RP1L1: variants seen among roughly 807,000 people sequenced by gnomAD.
RP1L1 encodes RP1 like 1.
Under a neutral mutation model 15.7 loss-of-function variants are expected in RP1L1, and 27 were observed. The observed-to-expected ratio is 1.72, with a 90% CI of 1.27 to 2.38. The LOEUF is 2.38. Among genes scored for constraint, RP1L1 ranks in the 30% most tolerant of loss-of-function variants. The pLI, the probability that RP1L1 is intolerant of heterozygous loss-of-function variation, is 0.00. For synonymous variants in RP1L1, 1,813 were observed against 1,276.7 expected, an observed-to-expected ratio of 1.42 and a Z score of -8.96; for missense variants, 4,798 against 3,075.9, an observed-to-expected ratio of 1.56 and a Z score of -13.24.
rs1403176390 is a variant in RP1L1, at chr8:10,612,742, A to T, written c.1356T>A (p.Ser452Arg). Residue 452 changes from serine (S) to arginine (R), a missense_variant, in exon 4 of 4, where the codon AGT becomes AGA. Transcript: ENST00000382483. ...GGCCGGTGCTGGAGGCTGGGCTGGC[A>T]CTGTCCTGGCTGCATCTCTCCCTCC... ...TAGRERCSQD[S>R]ASPASSTGLP... 5.6e-6 allele frequency: 9 copies of T among 1,607,322 alleles called. No homozygotes were observed. Among genetic ancestry groups the T allele is most frequent in the Non-Finnish European group, 7.6e-6 (9 of 1,179,574 alleles).
At position 10,608,139 on chromosome 8, in the gene RP1L1, G is replaced by A. The variant is rs200846354; in HGVS notation, c.5959C>T (p.Gln1987Ter). 1.6e-3 allele frequency: 2,534 copies of A among 1,613,080 alleles called. 8 individuals carry two copies. Among genetic ancestry groups the A allele is most frequent in the Middle Eastern group, 6.1e-3 (37 of 6,052 alleles). The change falls in exon 4 of 4, where the codon CAG (glutamine) becomes TAG (stop). Residue 1987 changes from glutamine to a stop codon, truncating the protein, a stop_gained. Coordinates refer to ENST00000382483, the MANE Select transcript of RP1L1 (RefSeq NM_178857.6). LOFTEE classifies it low-confidence loss of function (END_TRUNC). Reference sequence around the variant, plus strand: ...GGCTGGGCCTCCCCTTCTGCCTCCTGGGTCTCCACTTCAACCTCCAGGGCC... The same window carrying A: ...GGCTGGGCCTCCCCTTCTGCCTCCTAGGTCTCCACTTCAACCTCCAGGGCC... ...VEALEVEVET[Q>*]EAEGEAQPES...
intron 1 of RP1L1, among the ~76,000 whole-genome samples, chr8:10,651,111 A>G (rs1798553532): frequency 6.6e-6 from 1 of 152,244 alleles, no homozygotes. Flanking sequence ...CAGGCTCAGA[A>G]GGGGCAACTG....
Position 10,610,184 on chromosome 8 carries a change from T to C in RP1L1, c.3914A>G (p.Glu1305Gly), listed in dbSNP as rs762801175. 26 of 1,528,416 alleles carry C rather than the reference T, an allele frequency of 1.7e-5. No homozygotes were observed. The East Asian group carries it at 6.9e-4, about 41-fold the overall frequency. 94.7% of individuals were successfully genotyped at this position (1,528,416 alleles called of 1,614,324 possible). ...TTCTCCTTCTGTTCCTTCTTTAGTT[T>C]CCTCTAATTGCACCTCTTCTTGCAC... ...NTVQEEVQLE[E>G]TKEGTEGEGL... Residue 1305 changes from glutamate to glycine, a missense_variant, in exon 4 of 4, where the codon GAA (glutamate) becomes GGA (glycine). Coordinates refer to ENST00000382483, the MANE Select transcript of RP1L1 (RefSeq NM_178857.6).
intron 1 of RP1L1, among the ~76,000 whole-genome samples, chr8:10,631,339 A>ACACACGCG (rs1554456618): frequency 1.6e-5 from 1 of 61,964 alleles, no homozygotes; most frequent in Non-Finnish European, 4.3e-5. Context: ...ACACATGCAC[A>ACACACGCG]CACACGCACA....
chr8:10,653,411 G>A (rs941008708), intron 1 of RP1L1, among the ~76,000 whole-genome samples: 6 of 151,954 alleles, frequency 3.9e-5, no homozygotes, highest in South Asian at 2.1e-4. Flanking sequence ...TCTACACTTC[G>A]TGACTGCAGG....
chr8:10,620,708 A>G (rs1235290572), intron 2 of RP1L1, among the ~76,000 whole-genome samples: 4 of 152,360 alleles, frequency 2.6e-5, no homozygotes, highest in African/African-American at 9.6e-5. Context: ...ATAGGCAACA[A>G]GGAAGTTCTG....
intron 1 of RP1L1, among the ~76,000 whole-genome samples, chr8:10,649,829 T>A (rs1336613434): frequency 6.6e-6 from 1 of 152,146 alleles, no homozygotes; most frequent in African/African-American, 2.4e-5. Flanking sequence ...CTGAAGCCCA[T>A]GAGTCTTCCT....
At chr8:10,637,693 C>A (rs1585995376) in intron 1 of RP1L1, among the ~76,000 whole-genome samples, 1 of 152,156 alleles carries the variant, frequency 6.6e-6, no homozygotes, top group South Asian at 2.1e-4. Context: ...AGTTTTCCTG[C>A]AAAGAAAGAG....
intron 1 of RP1L1, among the ~76,000 whole-genome samples, chr8:10,639,100 G>T (rs151137148): frequency 6.6e-6 from 1 of 151,800 alleles, no homozygotes; most frequent in East Asian, 1.9e-4. Flanking sequence ...AGCCGAGATC[G>T]GACCCTGCAC....
intron 2 of RP1L1, among the ~76,000 whole-genome samples, chr8:10,616,996 C>A (rs1227438192): frequency 6.6e-6 from 1 of 152,188 alleles, no homozygotes; most frequent in Admixed American, 6.5e-5. Context: ...TCATTCTTTT[C>A]CCAAATGAAG....
intron 1 of RP1L1, among the ~76,000 whole-genome samples, chr8:10,636,147 G>A (rs553186676): frequency 1.3e-5 from 2 of 152,334 alleles, no homozygotes; most frequent in South Asian, 4.1e-4. Flanking sequence ...TATTTGCAAC[G>A]CAGTTGGACT....
Position 10,612,297 on chromosome 8 carries a change from C to T in RP1L1, c.1801G>A (p.Ala601Thr). ...AETQGQGTEQ[A>T]TGAAVTREPL... is the part of the protein sequence containing the mutation. ...TCCCTTGTCACAGCCGCTCCCGTGG[C>T]CTGCTCGGTGCCCTGTCCTTGCGTC... Residue 601 changes from alanine to threonine, a missense_variant, in exon 4 of 4, where the codon GCC becomes ACC. Physicochemically the swap from Ala to Thr is moderately conservative, Grantham distance 58. Transcript: ENST00000382483. 1.2e-6 allele frequency: 2 copies of T among 1,613,258 alleles called. No individual in the cohort carries two copies. The highest frequency in any genetic ancestry group is 1.7e-6 in the Non-Finnish European group (2 of 1,180,028).
At chr8:10,627,792 C>A (rs1438295827) in intron 1 of RP1L1, among the ~76,000 whole-genome samples, 1 of 152,156 alleles carries the variant, frequency 6.6e-6, no homozygotes, top group Non-Finnish European at 1.5e-5. Context: ...GCGTTCCACA[C>A]AACAGAACTC....
chr8:10,636,784 C>A (rs1243910817), intron 1 of RP1L1, among the ~76,000 whole-genome samples: 1 of 152,246 alleles, frequency 6.6e-6, no homozygotes, highest in Non-Finnish European at 1.5e-5. Flanking sequence ...CTGACCCCTC[C>A]CCTGCCCAGC....
rs373742156 is a variant in RP1L1 at position 10,613,201 on chromosome 8, C to A, written c.897G>T (p.Gln299His). The A allele has an allele frequency of 1.2e-6, 2 of 1,613,576 alleles. No homozygotes were observed. The highest frequency in any genetic ancestry group is 8.5e-7 in the Non-Finnish European group (1 of 1,180,016). Residue 299 changes from glutamine (Q) to histidine (H), a missense_variant, in exon 4 of 4, where the codon CAG (glutamine) becomes CAT (histidine). Coordinates refer to ENST00000382483, the MANE Select transcript of RP1L1 (RefSeq NM_178857.6). ...CATCGCCAGCCACCAGCGGGCCCGA[C>A]TGAGCTGGCGTGTCCTGAGGGTGCC... ...PGRHPQDTPA[Q>H]SGPLVAGDDM...
intron 1 of RP1L1, among the ~76,000 whole-genome samples, chr8:10,624,562 T>C (rs556109970): frequency 2.0e-5 from 3 of 152,200 alleles, no homozygotes; most frequent in East Asian, 1.9e-4. Flanking sequence ...CCACAGCAAA[T>C]AGATATGGCC....
intron 1 of RP1L1, among the ~76,000 whole-genome samples, chr8:10,637,561 C>T (rs1452433925): frequency 3.9e-5 from 6 of 152,238 alleles, no homozygotes; most frequent in African/African-American, 1.4e-4. Flanking sequence ...GCCTGGGCAA[C>T]AGAGTGAGAC....
At chr8:10,630,533 C>T (rs1798225278) in intron 1 of RP1L1, among the ~76,000 whole-genome samples, 1 of 152,208 alleles carries the variant, frequency 6.6e-6, no homozygotes, top group Non-Finnish European at 1.5e-5. Context: ...ACAAATTCTG[C>T]AGAGTGGAGG....
chr8:10,647,813 C>T (rs1181892657), intron 1 of RP1L1, among the ~76,000 whole-genome samples: 2 of 152,202 alleles, frequency 1.3e-5, no homozygotes, highest in African/African-American at 2.4e-5. Flanking sequence ...GATGTACAAA[C>T]AGCTTTTCAA....
Sources: gnomAD v4.1 joint callset for allele counts (sites outside exome capture counted in the v4.1 genomes callset) on GRCh38, gnomAD v4.1.1 for gene constraint, MANE v1.5 for transcripts, NCBI Gene and HGNC (gene_info 2026-07-23, HGNC 2026-07-21) for gene names.